The following OSBPL5 variants were observed in gnomAD, a reference collection of about 807,000 sequenced individuals.
OSBPL5 encodes oxysterol-binding protein-related protein 5.
In OSBPL5, 71 loss-of-function variants were observed where a neutral mutation model predicts 111.2. The observed-to-expected ratio is 0.64, with a 90% CI of 0.53 to 0.78. The LOEUF (loss-of-function observed/expected upper bound fraction) is 0.78, where lower values mean the gene tolerates loss of function less well. Ranked by LOEUF, OSBPL5 falls within the 30% of genes least tolerant of loss-of-function variation. The pLI is 0.00. For synonymous variants in OSBPL5, 549 were observed against 513.9 expected (o/e 1.07, Z -0.93); for missense variants, 1,210 against 1,189.3 (o/e 1.02, Z -0.26).
chr11:3,150,079 C>G (rs1026363447), intron 1 of OSBPL5, among the ~76,000 whole-genome samples: 2 of 152,184 alleles, frequency 1.3e-5, no homozygotes, highest in Non-Finnish European at 2.9e-5. Context: ...CACAGCAAAT[C>G]AGGATGCTGA....
rs1347735789 is a variant in OSBPL5 at position 3,107,111 on chromosome 11, C to T, written c.1059+152G>A. The T allele has an allele frequency of 6.7e-6, 5 of 749,962 alleles. No homozygotes were observed. The highest frequency in any genetic ancestry group is 5.3e-5 in the African/African-American group (3 of 56,626). 46.5% of individuals were successfully genotyped at this position (749,962 alleles called of 1,614,324 possible). On this transcript the variant is annotated intron_variant, in intron 9 of 21. Transcript: ENST00000263650. This position sits in a 1 kb window ranked among gnomAD's most constrained non-coding sequence, Gnocchi z 6.1. Reference sequence around the variant, plus strand: ...GGGAGGAGCCTGTTTACCTAAAAGACAGCTCCTGGACTCACTGCCAAGTGA... The same window carrying T: ...GGGAGGAGCCTGTTTACCTAAAAGATAGCTCCTGGACTCACTGCCAAGTGA...
At chr11:3,123,228 A>G (rs1175766401) in intron 3 of OSBPL5, among the ~76,000 whole-genome samples, 2 of 152,190 alleles carry the variant, frequency 1.3e-5, no homozygotes, top group African/African-American at 2.4e-5. Context: ...GTAGGGGGCG[A>G]GTTGGGACAC....
intron 11 of OSBPL5, among the ~76,000 whole-genome samples, chr11:3,102,633 A>T (rs1564828612): frequency 6.6e-6 from 1 of 151,780 alleles, no homozygotes; most frequent in Non-Finnish European, 1.5e-5. Flanking sequence ...TCCTGCCTCT[A>T]CCCCAAACCT....
At position 3,122,357 on chromosome 11, in the gene OSBPL5, C is replaced by A; in HGVS notation, c.291G>T (p.Glu97Asp). 6.2e-7 allele frequency: 1 copy of A among 1,613,566 alleles called. No homozygotes were observed. Among genetic ancestry groups the A allele is most frequent in the Non-Finnish European group, 8.5e-7 (1 of 1,179,860 alleles). The change falls in exon 4 of 22, where the codon GAG becomes GAT. Residue 97 changes from glutamate (E) to aspartate (D), a missense_variant. By Grantham distance (45) the Glu-to-Asp change is conservative. Coordinates refer to ENST00000263650, the MANE Select transcript of OSBPL5 (RefSeq NM_020896.4). ...CCGGGCCCGGGCTCACCTTGAGAGT[C>A]TCCTTCTTGGTGACCCTGGCGGTGG... is the stretch of plus-strand genomic sequence containing the variant. ...VSPTARVTKK[E>D]TLKAQKENYR...
At chr11:3,090,719 C>T in intron 19 of OSBPL5, 23 bp from the exon 20 acceptor site, 1 of 1,598,328 alleles carries the variant, frequency 6.3e-7, no homozygotes, top group Non-Finnish European at 8.5e-7. Context: ...GGAGCTGCTG[C>T]AGCTGAAAGC....
rs879866449 is a variant in OSBPL5, at chr11:3,092,749, G to A, written c.2132+118C>T. 1.0e-5 allele frequency: 14 copies of A among 1,375,896 alleles called. No individual in the cohort carries two copies. Among genetic ancestry groups the A allele is most frequent in the South Asian group, 1.5e-5 (1 of 67,302 alleles). 85.2% of individuals were successfully genotyped at this position (1,375,896 alleles called of 1,614,324 possible). ...TGTCACTATCTGACCCTCCCCCACC[G>A]ACTCCTCCAGGGGACAGGCTGAAGG... On this transcript the variant is annotated intron_variant, in intron 18 of 21. Coordinates refer to ENST00000263650, the MANE Select transcript of OSBPL5 (RefSeq NM_020896.4). The surrounding 1 kb of genome is among the most constrained non-coding windows in gnomAD (Gnocchi z 5.4).
At chr11:3,095,871 A>G (rs976928153) in intron 14 of OSBPL5, among the ~76,000 whole-genome samples, 2 of 152,180 alleles carry the variant, frequency 1.3e-5, no homozygotes, top group Non-Finnish European at 2.9e-5. Flanking sequence ...GGCATTGAGA[A>G]TCAATGTCCA....
At chr11:3,145,716 C>T (rs191197367) in intron 1 of OSBPL5, among the ~76,000 whole-genome samples, 14 of 152,188 alleles carry the variant, frequency 9.2e-5, no homozygotes, top group African/African-American at 2.9e-4. Context: ...GCATTTACAG[C>T]CCCTGTGCAG....
rs1049418239 is a variant in OSBPL5, at chr11:3,126,856, G to A, written c.137-301C>T. 4.6e-5 allele frequency among the ~76,000 whole-genome samples: 7 copies of A among 152,206 alleles called. No homozygotes were observed. Among genetic ancestry groups the A allele is most frequent in the Non-Finnish European group, 1.0e-4 (7 of 68,034 alleles). ...GGGCCTGCTGTAGTGTGCAATTGGG[G>A]GTCTGTGAAGGCCAGAGTCCCCAGT... On this transcript the variant is annotated intron_variant, in intron 2 of 21. Transcript: ENST00000263650. The surrounding 1 kb of genome is among the most constrained non-coding windows in gnomAD (Gnocchi z 6.5).
chr11:3,109,048 G>A lies in OSBPL5; in HGVS notation c.692-1103C>T, dbSNP rs1590661080. Among the ~76,000 whole-genome samples the A allele has an allele frequency of 6.6e-6, 1 of 152,062 alleles. No homozygotes were observed. Among genetic ancestry groups the A allele is most frequent in the Non-Finnish European group, 1.5e-5 (1 of 68,020 alleles). On this transcript the variant is annotated intron_variant, in intron 7 of 21. Transcript: ENST00000263650. The surrounding 1 kb of genome is among the most constrained non-coding windows in gnomAD (Gnocchi z 7.4). ...CTCCCAAAGTGCTGGGATTACAGGT[G>A]TGAGCCACCACACCGGGTCAATAAG...
At chr11:3,103,742 GCAACCC>G (rs1857552339) in intron 10 of OSBPL5, among the ~76,000 whole-genome samples, 9 of 52,082 alleles carry the variant, frequency 1.7e-4, no homozygotes, top group South Asian at 7.6e-4. Context: ...TCCTGCCTCT[GCAACCC>G]TCTTCCAGCT....
intron 5 of OSBPL5, among the ~76,000 whole-genome samples, 155 bp from the exon 6 acceptor site, chr11:3,120,779 C>T (rs1317298655): frequency 6.6e-6 from 1 of 152,214 alleles, no homozygotes; most frequent in Non-Finnish European, 1.5e-5. Flanking sequence ...GAACTCACCC[C>T]TTCCTCACCC....
chr11:3,159,918 TGC>T (rs1564871374), intron 1 of OSBPL5, among the ~76,000 whole-genome samples: 6 of 152,160 alleles, frequency 3.9e-5, no homozygotes, highest in Non-Finnish European at 8.8e-5. Context: ...AAATAAACTC[TGC>T]TGACCCTGGC....
At chr11:3,163,410 T>C (rs1847021692) in intron 1 of OSBPL5, among the ~76,000 whole-genome samples, 1 of 150,042 alleles carries the variant, frequency 6.7e-6, no homozygotes, top group African/African-American at 2.5e-5. Context: ...TGTTTCTCCC[T>C]CCCCCAAGCG....
At chr11:3,102,303 G>A (rs78604739) in intron 11 of OSBPL5, 22 bp from the exon 12 acceptor site, 1 of 1,574,314 alleles carries the variant, frequency 6.4e-7, no homozygotes, top group Non-Finnish European at 8.6e-7. Context: ...AGAGACTTGT[G>A]TGAGGAGCCA....
chr11:3,156,574 C>A (rs575593619), intron 1 of OSBPL5, among the ~76,000 whole-genome samples: 11 of 152,334 alleles, frequency 7.2e-5, no homozygotes, highest in African/African-American at 2.4e-4. Flanking sequence ...CCTCCCTACA[C>A]GCAACTTGTA....
intron 1 of OSBPL5, among the ~76,000 whole-genome samples, chr11:3,149,767 C>A (rs986506464): frequency 6.6e-6 from 1 of 152,240 alleles, no homozygotes; most frequent in Admixed American, 6.5e-5. Flanking sequence ...GACCAGTCAA[C>A]GGGTGGTCAC....
At chr11:3,138,578 G>A (rs1012925107) in intron 1 of OSBPL5, among the ~76,000 whole-genome samples, 1 of 152,238 alleles carries the variant, frequency 6.6e-6, no homozygotes, top group Non-Finnish European at 1.5e-5. Context: ...TGGGCCCCCA[G>A]TGGAGCCTGG....
chr11:3,108,661 G>A (rs763723006), intron 7 of OSBPL5, among the ~76,000 whole-genome samples: 1 of 152,258 alleles, frequency 6.6e-6, no homozygotes, highest in Non-Finnish European at 1.5e-5. Flanking sequence ...CTCCTGTGGG[G>A]CACGTGTCCA....
Sources: allele counts gnomAD v4.1 joint callset (sites outside exome capture counted in the v4.1 genomes callset), GRCh38; gene constraint gnomAD v4.1.1; non-coding constraint Gnocchi (gnomAD v3.1); transcripts MANE v1.5; gene names NCBI Gene and HGNC (gene_info 2026-07-23, HGNC 2026-07-21).